SLC12A6: variants seen among roughly 807,000 people sequenced by gnomAD.
SLC12A6 encodes the protein K-Cl cotransporter 3.
In SLC12A6, 66 loss-of-function variants were observed where a neutral mutation model predicts 135.3. That is an observed-to-expected ratio of 0.49 (90% confidence interval 0.40 to 0.60). The LOEUF (loss-of-function observed/expected upper bound fraction) is 0.60. SLC12A6 is among the 20% of genes least tolerant of loss of function. SLC12A6 has a pLI of 0.00. For synonymous variants in SLC12A6, 513 were observed against 508.8 expected (o/e 1.01, Z -0.11); for missense variants, 1,058 against 1,452.3 (o/e 0.73, Z 4.41).
At chr15:34,318,660 T>C in intron 2 of SLC12A6, 1 of 1,613,202 alleles carries the variant, frequency 6.2e-7, no homozygotes, top group Non-Finnish European at 8.5e-7. Flanking sequence ...TCTACCTTAG[T>C]CACAGTAAAA....
Position 34,229,976 on chromosome 15 carries a change from AC to A in SLC12A6, c.*3904del, listed in dbSNP as rs1438633162. 1 of 633,974 alleles carries A rather than the reference AC, an allele frequency of 1.6e-6. No individual in the cohort carries two copies. Among genetic ancestry groups the A allele is most frequent in the East Asian group, 2.8e-5 (1 of 35,578 alleles). 39.3% of individuals were successfully genotyped at this position (633,974 alleles called of 1,614,324 possible). ...TGCATATTACGACAAACACAAAGAA[AC>A]TATACCATAACCCAAGGCTGAAAAT... On this transcript the variant is annotated 3_prime_UTR_variant, in exon 26 of 26. Transcript: ENST00000354181.
Position 34,230,772 on chromosome 15 carries a change from A to G in SLC12A6, c.*3109T>C, listed in dbSNP as rs1890871424. 6.6e-6 allele frequency: 1 copy of G among 152,620 alleles called. No homozygotes were observed. Among genetic ancestry groups the G allele is most frequent in the Non-Finnish European group, 1.5e-5 (1 of 68,036 alleles). 9.5% of individuals were successfully genotyped at this position (152,620 alleles called of 1,614,324 possible). A position where few individuals can be genotyped will look rare whatever the true frequency, so the allele number is the denominator to read the frequency against. ...TAAGCAACACATACACACATGAAAT[A>G]CTCTAGACAGACATGAATATAAATC... On this transcript the variant is annotated 3_prime_UTR_variant, in exon 26 of 26. Coordinates refer to ENST00000354181, the MANE Select transcript of SLC12A6 (RefSeq NM_001365088.1).
rs1459890822 is a variant in SLC12A6, at chr15:34,287,567, C to T, written c.272-12178G>A. Among the ~76,000 whole-genome samples, 9 of 152,260 alleles carry T rather than the reference C, an allele frequency of 5.9e-5. No homozygotes were observed. The East Asian group carries it at 9.6e-4, about 16-fold the overall frequency. Reference sequence around the variant, plus strand: ...GGAATCACCACACTCTATTCCATAACGATTGAACTAATTTACACTCCCACC... The same window carrying T: ...GGAATCACCACACTCTATTCCATAATGATTGAACTAATTTACACTCCCACC... On this transcript the variant is annotated intron_variant, in intron 2 of 25. Transcript: ENST00000354181.
chr15:34,229,848 GC>G lies in SLC12A6; in HGVS notation c.*4032del. 6.5e-7 allele frequency: 1 copy of G among 1,539,524 alleles called. No homozygotes were observed. The highest frequency in any genetic ancestry group is 9.0e-7 in the Non-Finnish European group (1 of 1,112,130). ...GGGTCTTATTTACATCCTTCTTTAA[GC>G]CCAGTGGCTCCTCAGCATACTCTTA... On this transcript the variant is annotated 3_prime_UTR_variant, in exon 26 of 26. Coordinates refer to ENST00000354181, the MANE Select transcript of SLC12A6 (RefSeq NM_001365088.1).
At chr15:34,269,102 C>T (rs1278288182) in intron 3 of SLC12A6, among the ~76,000 whole-genome samples, 1 of 151,440 alleles carries the variant, frequency 6.6e-6, no homozygotes, top group East Asian at 1.9e-4. Context: ...AGGTGATCCA[C>T]CCACCTCAGC....
rs887904627 is a variant in SLC12A6 at position 34,271,612 on chromosome 15, C to T, written c.316+3733G>A. On this transcript the variant is annotated intron_variant, in intron 3 of 25. Transcript: ENST00000354181. Reference sequence around the variant, plus strand: ...TTTTAAGTGCAAAGCTACACACACACACACACACACACACACAGAAAAGTT... The same window carrying T: ...TTTTAAGTGCAAAGCTACACACACATACACACACACACACACAGAAAAGTT... Among the ~76,000 whole-genome samples the T allele has an allele frequency of 1.4e-3, 211 of 151,970 alleles. 2 individuals carry two copies. In the East Asian group the frequency reaches 0.035, roughly 25 times the overall value.
intron 2 of SLC12A6, among the ~76,000 whole-genome samples, chr15:34,327,487 G>A (rs147060741): frequency 8.5e-4 from 129 of 152,026 alleles, no homozygotes; most frequent in Non-Finnish European, 1.5e-3. Context: ...GTAAAACCCC[G>A]TCTCTACTAA....
intron 2 of SLC12A6, among the ~76,000 whole-genome samples, chr15:34,288,134 C>T (rs1566841925): frequency 6.6e-6 from 1 of 152,116 alleles, no homozygotes; most frequent in African/African-American, 2.4e-5. Flanking sequence ...GTCTTTGATC[C>T]ATCTTGAGTT....
intron 3 of SLC12A6, among the ~76,000 whole-genome samples, chr15:34,269,149 C>T (rs1263809864): frequency 3.9e-5 from 6 of 152,150 alleles, no homozygotes; most frequent in African/African-American, 9.7e-5. Context: ...TGAGCCACTG[C>T]GCCCAGACAC....
intron 25 of SLC12A6, among the ~76,000 whole-genome samples, chr15:34,234,796 C>G (rs901427052): frequency 6.6e-6 from 1 of 152,074 alleles, no homozygotes; most frequent in African/African-American, 2.4e-5. Context: ...TCTCTTTTTT[C>G]CCCTCAGTTA....
At chr15:34,242,672 T>G (rs556862751) in intron 16 of SLC12A6, among the ~76,000 whole-genome samples, 50 of 152,276 alleles carry the variant, frequency 3.3e-4, no homozygotes, top group African/African-American at 1.1e-3. Flanking sequence ...TTTAAAAAAT[T>G]TCATATAAAT....
rs1489085542 is a variant in SLC12A6, at chr15:34,337,710, G to C, written c.-451C>G. The C allele has an allele frequency of 6.6e-6, 1 of 152,436 alleles. No individual in the cohort carries two copies. The highest frequency in any genetic ancestry group is 2.4e-5 in the African/African-American group (1 of 41,458). 9.4% of individuals were successfully genotyped at this position (152,436 alleles called of 1,614,324 possible). ...TGGGCAGCAGGGTGAGGGAGAAGGA[G>C]GTCGCAGGTGCAGTATCCCGGCGCC... is the stretch of plus-strand genomic sequence containing the variant. On this transcript the variant is annotated 5_prime_UTR_variant, in exon 1 of 26. Coordinates refer to ENST00000354181, the MANE Select transcript of SLC12A6 (RefSeq NM_001365088.1).
At chr15:34,298,153 T>C (rs1004197603) in intron 2 of SLC12A6, among the ~76,000 whole-genome samples, 3 of 151,896 alleles carry the variant, frequency 2.0e-5, no homozygotes, top group Admixed American at 2.0e-4. Context: ...AATAAAATTA[T>C]TACAGTTTAA....
At chr15:34,297,190 C>T (rs1402957776) in intron 2 of SLC12A6, among the ~76,000 whole-genome samples, 1 of 152,168 alleles carries the variant, frequency 6.6e-6, no homozygotes, top group Non-Finnish European at 1.5e-5. Flanking sequence ...AGAGCCTAAG[C>T]TTGGCAACAG....
chr15:34,272,149 T>C (rs539726166), intron 3 of SLC12A6, among the ~76,000 whole-genome samples: 87 of 152,124 alleles, frequency 5.7e-4, no homozygotes, highest in African/African-American at 2.0e-3. Flanking sequence ...CAATTTTTTT[T>C]AAGTAGACAT....
chr15:34,254,304 T>G (rs1039633383), intron 9 of SLC12A6, 44 bp downstream of exon 9: 2 of 1,576,180 alleles, frequency 1.3e-6, no homozygotes, highest in African/African-American at 2.7e-5. Context: ...ATATTTTCAA[T>G]TACTACCCAA....
intron 2 of SLC12A6, among the ~76,000 whole-genome samples, chr15:34,296,820 G>A (rs974506323): frequency 6.6e-6 from 1 of 152,112 alleles, no homozygotes; most frequent in African/African-American, 2.4e-5. Context: ...AGGACTGAAG[G>A]TAGAGAAATT....
At chr15:34,298,705 A>C (rs1896046530) in intron 2 of SLC12A6, among the ~76,000 whole-genome samples, 1 of 152,138 alleles carries the variant, frequency 6.6e-6, no homozygotes, top group African/African-American at 2.4e-5. Context: ...GTGGGTACAC[A>C]GAAGCAGTGA....
intron 2 of SLC12A6, among the ~76,000 whole-genome samples, chr15:34,287,364 C>A (rs1167379461): frequency 6.6e-6 from 1 of 152,180 alleles, no homozygotes; most frequent in African/African-American, 2.4e-5. Flanking sequence ...GCCACATTTG[C>A]TTTATCCAGT....
Sources: gnomAD v4.1 joint callset for allele counts (sites outside exome capture counted in the v4.1 genomes callset) on GRCh38, gnomAD v4.1.1 for gene constraint, MANE v1.5 for transcripts, NCBI Gene and HGNC (gene_info 2026-07-23, HGNC 2026-07-21) for gene names.